Variants in PCLO observed in about 807,000 individuals in gnomAD.
PCLO encodes the protein protein piccolo.
A neutral mutation model predicts 427.5 loss-of-function variants in PCLO; 82 were observed. The ratio of observed to expected loss-of-function variants is 0.19; its 90% confidence interval spans 0.16 to 0.23. The LOEUF (loss-of-function observed/expected upper bound fraction) is 0.23. Among genes scored for constraint, PCLO ranks in the 10% least tolerant of loss-of-function variants. PCLO has a pLI of 1.00. For synonymous variants in PCLO, 2,357 were observed against 2,155.4 expected (o/e 1.09, Z -2.59); for missense variants, 6,239 against 6,115.9 (o/e 1.02, Z -0.67).
intron 3 of PCLO, among the ~76,000 whole-genome samples, chr7:83,024,976 A>G (rs1400245659): frequency 6.6e-6 from 1 of 152,160 alleles, no homozygotes; most frequent in Non-Finnish European, 1.5e-5. Context: ...TCAAAGACCA[A>G]AAGTAGATAA....
intron 6 of PCLO, among the ~76,000 whole-genome samples, chr7:82,927,064 A>G (rs922697711): frequency 2.6e-5 from 4 of 152,116 alleles, no homozygotes; most frequent in African/African-American, 9.7e-5. Flanking sequence ...CTGTCTGTCA[A>G]CCACTTTATT....
At chr7:82,935,787 T>A (rs989014383) in intron 6 of PCLO, among the ~76,000 whole-genome samples, 1 of 151,624 alleles carries the variant, frequency 6.6e-6, no homozygotes, top group African/African-American at 2.4e-5. Flanking sequence ...TGGAGTAAGA[T>A]CATAGAAATG....
rs80269083 is a variant in PCLO at position 82,994,117 on chromosome 7, T to C, written c.3301-27630A>G. ...AGTTTTGTCTTACTACATGAAGCCA[T>C]AATTTTAGACTCAATACAAGATATA... On this transcript the variant is annotated intron_variant, in intron 3 of 24. Coordinates refer to ENST00000333891, the MANE Select transcript of PCLO (RefSeq NM_033026.6). Among the ~76,000 whole-genome samples, 1,334 of 152,154 alleles carry C rather than the reference T, an allele frequency of 8.8e-3. 9 individuals are homozygous for C. Among genetic ancestry groups the C allele is most frequent in the Non-Finnish European group, 0.011 (770 of 67,974 alleles).
At chr7:82,870,033 A>G (rs1187218668) in intron 10 of PCLO, among the ~76,000 whole-genome samples, 1 of 152,036 alleles carries the variant, frequency 6.6e-6, no homozygotes, top group Admixed American at 6.6e-5. Flanking sequence ...TGCAGATTCA[A>G]TGCAATCTCT....
chr7:83,089,316 A>G (rs1053664415), intron 3 of PCLO, among the ~76,000 whole-genome samples: 2 of 152,038 alleles, frequency 1.3e-5, no homozygotes, highest in Non-Finnish European at 1.5e-5. Flanking sequence ...GACTTGTTCT[A>G]TTTCACCAGA....
chr7:83,059,379 T>TAA (rs796686018), intron 3 of PCLO, among the ~76,000 whole-genome samples: 1 of 125,126 alleles, frequency 8.0e-6, no homozygotes. Flanking sequence ...TATATATATA[T>TAA]AAAAATGAAA....
In PCLO at chr7:83,135,340, T is replaced by C; in HGVS notation, c.2210A>G (p.Glu737Gly). Residue 737 changes from glutamate (E) to glycine (G), a missense_variant, in exon 3 of 25, where the codon GAA (glutamate) becomes GGA (glycine). Physicochemically the swap from Glu to Gly is moderately conservative, Grantham distance 98. Around this residue, in one of 5 missense-constraint regions of PCLO, gnomAD observed 4,677 missense variants for 4,468.4 expected, o/e 1.05. Coordinates refer to ENST00000333891, the MANE Select transcript of PCLO (RefSeq NM_033026.6). ...DSLSKPAPPK[E>G]PSVPSEQDKA... ...GTCCTGCTCAGATGGGACAGAAGGTTCTTTGGGAGGGGCTGGCTTGGACAA... is the reference window on the plus strand; with the variant it reads ...GTCCTGCTCAGATGGGACAGAAGGTCCTTTGGGAGGGGCTGGCTTGGACAA... 6.2e-7 allele frequency: 1 copy of C among 1,613,924 alleles called. No individual in the cohort carries two copies. Among genetic ancestry groups the C allele is most frequent in the Non-Finnish European group, 8.5e-7 (1 of 1,179,890 alleles).
intron 21 of PCLO, among the ~76,000 whole-genome samples, chr7:82,805,377 T>C (rs1791436533): frequency 1.3e-5 from 2 of 152,338 alleles, no homozygotes; most frequent in Admixed American, 6.5e-5. Flanking sequence ...TTGGTCATTA[T>C]GTGATTAAAA....
intron 3 of PCLO, among the ~76,000 whole-genome samples, chr7:83,028,085 T>A (rs1788553728): frequency 6.6e-6 from 1 of 151,242 alleles, no homozygotes; most frequent in Non-Finnish European, 1.5e-5. Context: ...CTATTCAACA[T>A]AGTGTTGGAA....
In PCLO at chr7:82,962,612, C is replaced by T. The variant is rs141525794; in HGVS notation, c.4017+3159G>A. On this transcript the variant is annotated intron_variant, in intron 4 of 24. Coordinates refer to ENST00000333891, the MANE Select transcript of PCLO (RefSeq NM_033026.6). ...AGTTTAAGAATTACTATTGTGAACC[C>T]TCAAGGAAAAATGTACCAATGAAGA... is the stretch of plus-strand genomic sequence containing the variant. Among the ~76,000 whole-genome samples, 376 of 151,738 alleles carry T rather than the reference C, an allele frequency of 2.5e-3. 2 individuals are homozygous for T. The highest frequency in any genetic ancestry group is 8.7e-3 in the African/African-American group (361 of 41,438).
At chr7:83,132,348 A>C (rs1021650525) in intron 3 of PCLO, among the ~76,000 whole-genome samples, 2 of 152,164 alleles carry the variant, frequency 1.3e-5, no homozygotes, top group Non-Finnish European at 2.9e-5. Context: ...TTGAAGTATG[A>C]CCTCATCTAA....
intron 9 of PCLO, among the ~76,000 whole-genome samples, chr7:82,885,442 A>C (rs2116080884): frequency 6.6e-6 from 1 of 152,258 alleles, no homozygotes; most frequent in South Asian, 2.1e-4. Flanking sequence ...TGATCAGGGA[A>C]CCCAGTTAAG....
intron 17 of PCLO, 111 bp downstream of exon 17, chr7:82,827,762 C>CTTTT: frequency 1.7e-6 from 1 of 583,840 alleles, no homozygotes; most frequent in Non-Finnish European, 2.9e-6. Flanking sequence ...TTTTACTCAA[C>CTTTT]TTTTTTTGTT....
chr7:83,079,001 A>T (rs1484346029), intron 3 of PCLO, among the ~76,000 whole-genome samples: 5 of 152,318 alleles, frequency 3.3e-5, no homozygotes, highest in South Asian at 2.1e-4. Context: ...GATTCTCATC[A>T]GAAGTCTTTA....
At chr7:83,031,248 C>A (rs931820911) in intron 3 of PCLO, among the ~76,000 whole-genome samples, 1 of 152,214 alleles carries the variant, frequency 6.6e-6, no homozygotes, top group South Asian at 2.1e-4. Flanking sequence ...TCAGAGACAT[C>A]ATATGCATGT....
In PCLO at chr7:82,846,555, T is replaced by G; in HGVS notation, c.13831+12A>C. The G allele has an allele frequency of 6.4e-7, 1 of 1,573,314 alleles. No individual in the cohort carries two copies. The highest frequency in any genetic ancestry group is 8.7e-7 in the Non-Finnish European group (1 of 1,147,340). The stretch of plus-strand genomic sequence containing the variant: ...CTTTATTTACAGTTGAAACTAGATT[T>G]CTTTTACCTACCAGCTTTTGGTGGC... On this transcript the variant is annotated intron_variant, in intron 12 of 24. Coordinates refer to ENST00000333891, the MANE Select transcript of PCLO (RefSeq NM_033026.6).
intron 3 of PCLO, among the ~76,000 whole-genome samples, chr7:83,061,545 C>A (rs1403647443): frequency 6.6e-6 from 1 of 152,170 alleles, no homozygotes; most frequent in African/African-American, 2.4e-5. Context: ...TTACAAAAGG[C>A]ATGTGTACAA....
rs1794079224 is a variant in PCLO at position 82,902,748 on chromosome 7, C to G, written c.13438-7G>C. 1 of 1,469,564 alleles carries G rather than the reference C, an allele frequency of 6.8e-7. No homozygotes were observed. The highest frequency in any genetic ancestry group is 1.1e-5 in the South Asian group (1 of 87,862). The allele number at this position is 1,469,564 out of a possible 1,614,324, so 91.0% of individuals were successfully genotyped here. A position where few individuals can be genotyped will look rare whatever the true frequency, so the allele number is the denominator to read the frequency against. The stretch of plus-strand genomic sequence containing the variant: ...TCCCGTTCATCTGTATAATCTAAGA[C>G]ATACATGTAGTAAGGTAAAAAACCA... On this transcript the variant is annotated splice_region_variant and splice_polypyrimidine_tract_variant and intron_variant, in intron 8 of 24. Coordinates refer to ENST00000333891, the MANE Select transcript of PCLO (RefSeq NM_033026.6).
chr7:82,761,241 T>C (rs1309580264), intron 23 of PCLO, 118 bp downstream of exon 23: 1 of 578,950 alleles, frequency 1.7e-6, no homozygotes, highest in Non-Finnish European at 2.9e-6. Context: ...TGTTAATCAG[T>C]TATTTTTTCT....
Sources: gnomAD v4.1 joint callset for allele counts (sites outside exome capture counted in the v4.1 genomes callset) on GRCh38, gnomAD v4.1.1 for gene constraint, gnomAD v4.1.1 regional missense constraint, MANE v1.5 for transcripts, NCBI Gene and HGNC (gene_info 2026-07-23, HGNC 2026-07-21) for gene names.